The following ANXA8 variants were observed in gnomAD, a reference collection of about 807,000 sequenced individuals.
ANXA8 encodes annexin A8.
A neutral mutation model predicts 26.8 loss-of-function variants in ANXA8; 9 were observed. The observed-to-expected ratio is 0.34, with a 90% confidence interval of 0.20 to 0.59. ANXA8 has a LOEUF of 0.59. Among genes scored for constraint, ANXA8 ranks in the 20% least tolerant of loss-of-function variants. The pLI is 0.84. For synonymous variants in ANXA8, 39 were observed against 94.8 expected, an observed-to-expected ratio of 0.41 and a Z score of 3.42; for missense variants, 83 against 238.5, an observed-to-expected ratio of 0.35 and a Z score of 4.29.
chr10:47,588,811 C>CTTTTTTT, the ANXA8 span: 1 of 97,646 alleles, frequency 1.0e-5, no homozygotes, highest in Admixed American at 1.1e-4. Flanking sequence ...CTTTCTCTCT[C>CTTTTTTT]TTTTTTTTTT....
the ANXA8 span, among the ~76,000 whole-genome samples, chr10:47,535,542 G>T: frequency 8.4e-4 from 122 of 145,684 alleles, 13 homozygotes; most frequent in African/African-American, 3.1e-3. Context: ...GGAAAAAGGA[G>T]TTGGCAGTAT....
the ANXA8 span, among the ~76,000 whole-genome samples, chr10:47,733,230 TCTC>T: frequency 1.2e-5 from 1 of 86,124 alleles, no homozygotes; most frequent in Non-Finnish European, 2.4e-5. Context: ...TCTCTTTCTT[TCTC>T]TCTTTCTTTC....
the ANXA8 span, among the ~76,000 whole-genome samples, chr10:47,673,608 C>G: frequency 1.3e-5 from 2 of 151,488 alleles, no homozygotes; most frequent in African/African-American, 4.9e-5. Context: ...ATCTAGCAAA[C>G]CAAACTCTGA....
At chr10:47,652,861 T>C in the ANXA8 span, among the ~76,000 whole-genome samples, 1 of 149,584 alleles carries the variant, frequency 6.7e-6, no homozygotes, top group Non-Finnish European at 1.5e-5. Flanking sequence ...TTTTAAATAG[T>C]GAGTGATGTG....
At chr10:47,643,498 G>A in the ANXA8 span, among the ~76,000 whole-genome samples, 53 of 148,360 alleles carry the variant, frequency 3.6e-4, no homozygotes, top group East Asian at 8.7e-3. Flanking sequence ...CACTGCACTC[G>A]AAACTCGGTG....
At chr10:47,672,741 G>A in the ANXA8 span, among the ~76,000 whole-genome samples, 1 of 151,936 alleles carries the variant, frequency 6.6e-6, no homozygotes, top group Admixed American at 6.5e-5. Context: ...TTGAAAAGAT[G>A]ACTTTTGAGC....
chr10:47,485,504 C>T (rs1840019717), upstream of ANXA8, among the ~76,000 whole-genome samples: 1 of 152,034 alleles, frequency 6.6e-6, no homozygotes, highest in Non-Finnish European at 1.5e-5. Context: ...TATACCTGGG[C>T]TGTTCACAAA....
the ANXA8 span, among the ~76,000 whole-genome samples, chr10:47,696,163 G>T: frequency 2.0e-5 from 3 of 151,802 alleles, no homozygotes; most frequent in Non-Finnish European, 4.4e-5. Flanking sequence ...TTTATATAGA[G>T]CAGTGGACTT....
the ANXA8 span, among the ~76,000 whole-genome samples, chr10:47,985,195 A>T: frequency 6.7e-6 from 1 of 149,862 alleles, no homozygotes; most frequent in African/African-American, 2.5e-5. Flanking sequence ...GAGTCAAATC[A>T]GCATGTGGAA....
At chr10:47,491,587 G>A in the ANXA8 span, 1 of 1,509,288 alleles carries the variant, frequency 6.6e-7, no homozygotes, top group Non-Finnish European at 8.9e-7. Context: ...GTAGAAAGGA[G>A]CCCTGGGTCC....
the ANXA8 span, among the ~76,000 whole-genome samples, chr10:47,756,784 G>T: frequency 6.7e-6 from 1 of 150,184 alleles, no homozygotes; most frequent in African/African-American, 2.4e-5. Flanking sequence ...CTGTATTCTG[G>T]GAGGCCAAGC....
At chr10:47,650,116 G>C in the ANXA8 span, among the ~76,000 whole-genome samples, 1 of 148,466 alleles carries the variant, frequency 6.7e-6, no homozygotes, top group East Asian at 2.0e-4. Flanking sequence ...GCTGAGGCAC[G>C]AGAATCTCTT....
At chr10:47,616,050 A>G in the ANXA8 span, among the ~76,000 whole-genome samples, 5 of 66,924 alleles carry the variant, frequency 7.5e-5, 2 homozygotes, top group Non-Finnish European at 1.8e-4. Flanking sequence ...AAAAGCACCA[A>G]GAGAACAAAC....
chr10:47,733,203 T>TCTC, the ANXA8 span, among the ~76,000 whole-genome samples: 4 of 107,788 alleles, frequency 3.7e-5, no homozygotes, highest in Non-Finnish European at 8.4e-5. Context: ...CTTTCTTTCT[T>TCTC]TCTTTCTTTC....
chr10:47,744,410 G>GGGGGGGGGGGGGT, the ANXA8 span, among the ~76,000 whole-genome samples: 27 of 53,656 alleles, frequency 5.0e-4, 1 homozygote, highest in African/African-American at 1.4e-3. Context: ...AAGGCTCCTG[G>GGGGGGGGGGGGGT]TGGGGGGGGG....
At chr10:47,559,797 G>C in the ANXA8 span, among the ~76,000 whole-genome samples, 6 of 151,756 alleles carry the variant, frequency 4.0e-5, no homozygotes, top group Non-Finnish European at 8.8e-5. Flanking sequence ...TCCCCTCCTT[G>C]TCCCTACTCT....
the ANXA8 span, among the ~76,000 whole-genome samples, chr10:47,529,339 T>C: frequency 1.3e-5 from 2 of 150,080 alleles, no homozygotes; most frequent in Admixed American, 6.6e-5. Context: ...GGTTGTACAG[T>C]GTATTATGTG....
chr10:47,699,923 T>C, the ANXA8 span, among the ~76,000 whole-genome samples: 1 of 151,642 alleles, frequency 6.6e-6, no homozygotes, highest in African/African-American at 2.4e-5. Flanking sequence ...ACTATAGTAA[T>C]AAAGAAGATA....
At chr10:47,928,749 T>TG in the ANXA8 span, among the ~76,000 whole-genome samples, 1 of 91,384 alleles carries the variant, frequency 1.1e-5, no homozygotes, top group Non-Finnish European at 2.2e-5. Flanking sequence ...TCTCTCTCTC[T>TG]CTTTTTTTTT....
Sources: allele counts gnomAD v4.1 joint callset (sites outside exome capture counted in the v4.1 genomes callset), GRCh38; gene constraint gnomAD v4.1.1; transcripts MANE v1.5; gene names NCBI Gene and HGNC (gene_info 2026-07-23, HGNC 2026-07-21).